CCL5: variants seen among roughly 807,000 people sequenced by gnomAD.
CCL5 encodes C-C motif chemokine ligand 5.
Under a neutral mutation model 9.0 loss-of-function variants are expected in CCL5, and 5 were observed. The ratio of observed to expected loss-of-function variants is 0.55; its 90% CI spans 0.29 to 1.16. The LOEUF (loss-of-function observed/expected upper bound fraction) is 1.16, where lower values mean the gene tolerates loss of function less well. CCL5 is among the 50% of genes most tolerant of loss of function. The pLI, the probability that CCL5 is intolerant of heterozygous loss-of-function variation, is 0.08. For synonymous variants in CCL5, 66 were observed against 72.0 expected, an observed-to-expected ratio of 0.92 and a Z score of 0.42; for missense variants, 183 against 183.2, an observed-to-expected ratio of 1.00 and a Z score of 0.01.
Position 35,871,788 on chromosome 17 carries a change from C to T in CCL5, c.*482G>A, listed in dbSNP as rs2088366833. ...ACGGAGTCTCACTTTGTCACCCAGG[C>T]TGGAGTGAAGTGGCACAATCTCAGC... is the stretch of plus-strand genomic sequence containing the variant. On this transcript the variant is annotated 3_prime_UTR_variant, in exon 4 of 4. Coordinates refer to ENST00000651122, the MANE Select transcript of CCL5 (RefSeq NM_001278736.2). 4 of 152,342 alleles carry T rather than the reference C, an allele frequency of 2.6e-5. No individual in the cohort carries two copies. The South Asian group carries it at 8.3e-4, about 32-fold the overall frequency. 9.4% of individuals were successfully genotyped at this position (152,342 alleles called of 1,614,324 possible). A position where few individuals can be genotyped will look rare whatever the true frequency, so the allele number is the denominator to read the frequency against.
At position 35,880,223 on chromosome 17, in the gene CCL5, G is replaced by A; in HGVS notation, c.76+7C>T. The A allele has an allele frequency of 6.2e-7, 1 of 1,613,124 alleles. No homozygotes were observed. The highest frequency in any genetic ancestry group is 1.1e-5 in the South Asian group (1 of 90,910). On this transcript the variant is annotated splice_region_variant and intron_variant, in intron 1 of 3. Coordinates refer to ENST00000651122, the MANE Select transcript of CCL5 (RefSeq NM_001278736.2). ...CAGGGGCTGTGGTGGTCAAGACCAG[G>A]ACTTACATGGGGAGGCAGATGCAGG...
At chr17:35,878,279 T>C (rs778258518) in intron 2 of CCL5, among the ~76,000 whole-genome samples, 131 of 86,712 alleles carry the variant, frequency 1.5e-3, no homozygotes, top group Non-Finnish European at 1.6e-3. Context: ...TGAGACTCTG[T>C]CTCAAAAAAA....
chr17:35,872,293 A>G lies in CCL5; in HGVS notation c.442T>C (p.Tyr148His), dbSNP rs1346625312. The G allele has an allele frequency of 6.9e-6, 11 of 1,594,346 alleles. No individual in the cohort carries two copies. The highest frequency in any genetic ancestry group is 9.4e-6 in the Non-Finnish European group (11 of 1,166,964). The change falls in exon 4 of 4, where the codon TAT (tyrosine) becomes CAT (histidine). Residue 148 changes from tyrosine to histidine, a missense_variant. Tyr to His is a moderately conservative substitution (Grantham distance 83, BLOSUM62 2). Transcript: ENST00000651122. ...CTTCAAGGAGCGGGTGGGGTAGGAT[A>G]GTGAGGGGAAGCCTCCCAAGCTAGG... is the stretch of plus-strand genomic sequence containing the variant.
chr17:35,876,447 C>T (rs749518334), intron 2 of CCL5, among the ~76,000 whole-genome samples: 1 of 152,210 alleles, frequency 6.6e-6, no homozygotes, highest in Non-Finnish European at 1.5e-5. Flanking sequence ...TGGTTCTACA[C>T]TTCTCCAGCC....
At position 35,874,911 on chromosome 17, in the gene CCL5, T is replaced by G. The variant is rs184781669; in HGVS notation, c.270+650A>C. 9.9e-5 allele frequency among the ~76,000 whole-genome samples: 15 copies of G among 152,230 alleles called. No homozygotes were observed. The East Asian group carries it at 2.9e-3, about 29-fold the overall frequency. On this transcript the variant is annotated intron_variant, in intron 3 of 3. Transcript: ENST00000651122. ...ACAGACGTGAGCCACCGCACCCAGA[T>G]AGAAGTTTATTTTTTAAATCTTATT...
intron 1 of CCL5, among the ~76,000 whole-genome samples, chr17:35,879,414 C>T (rs2088484168): frequency 6.6e-6 from 1 of 152,094 alleles, no homozygotes; most frequent in African/African-American, 2.4e-5. Flanking sequence ...GCGGGCGGAT[C>T]ACGAGGTCAA....
intron 3 of CCL5, among the ~76,000 whole-genome samples, chr17:35,874,382 A>G (rs538875302): frequency 2.6e-5 from 4 of 152,178 alleles, no homozygotes; most frequent in African/African-American, 9.6e-5. Context: ...TGCAGCCTCA[A>G]CCTCCTGGGC....
At position 35,872,231 on chromosome 17, in the gene CCL5, G is replaced by GT. The variant is rs776640911; in HGVS notation, c.*38dup. ...AGCCACCACGTCCAGCCTGGGGAAG[G>GT]TTTTTGTAACTGCTGCTGTGTGGTA... On this transcript the variant is annotated 3_prime_UTR_variant, in exon 4 of 4. Coordinates refer to ENST00000651122, the MANE Select transcript of CCL5 (RefSeq NM_001278736.2). The GT allele has an allele frequency of 1.4e-6, 2 of 1,429,470 alleles. No individual in the cohort carries two copies. Among genetic ancestry groups the GT allele is most frequent in the East Asian group, 5.0e-5 (2 of 40,124 alleles). 88.5% of individuals were successfully genotyped at this position (1,429,470 alleles called of 1,614,324 possible). A position where few individuals can be genotyped will look rare whatever the true frequency, so the allele number is the denominator to read the frequency against.
chr17:35,872,207 GCCA>G lies in CCL5; in HGVS notation c.*60_*62del. 1 of 1,254,034 alleles carries G rather than the reference GCCA, an allele frequency of 8.0e-7. No homozygotes were observed. Among genetic ancestry groups the G allele is most frequent in the Non-Finnish European group, 1.1e-6 (1 of 942,820 alleles). The allele number at this position is 1,254,034 out of a possible 1,614,324, so 77.7% of individuals were successfully genotyped here. A position where few individuals can be genotyped will look rare whatever the true frequency, so the allele number is the denominator to read the frequency against. On this transcript the variant is annotated 3_prime_UTR_variant, in exon 4 of 4. Coordinates refer to ENST00000651122, the MANE Select transcript of CCL5 (RefSeq NM_001278736.2). ...CAAAGTGCTGGGATTACAGGCGTGA[GCCA>G]CCACGTCCAGCCTGGGGAAGGTTTT...
intron 1 of CCL5, among the ~76,000 whole-genome samples, chr17:35,879,617 A>G (rs1269628621): frequency 1.4e-5 from 2 of 146,226 alleles, no homozygotes; most frequent in East Asian, 2.0e-4. Context: ...CCTGGGCGAC[A>G]GAGCGAAGAC....
chr17:35,879,773 T>A (rs2088491980), intron 1 of CCL5, among the ~76,000 whole-genome samples: 1 of 152,016 alleles, frequency 6.6e-6, no homozygotes, highest in Non-Finnish European at 1.5e-5. Context: ...TAAAGCCACA[T>A]ACCCTCTCAT....
At chr17:35,873,529 C>T (rs2144020186) in intron 3 of CCL5, among the ~76,000 whole-genome samples, 1 of 152,220 alleles carries the variant, frequency 6.6e-6, no homozygotes, top group East Asian at 1.9e-4. Flanking sequence ...TTAGACAACG[C>T]AGTGCCTGGC....
intron 3 of CCL5, among the ~76,000 whole-genome samples, chr17:35,874,596 C>G (rs1282452970): frequency 6.6e-6 from 1 of 152,150 alleles, no homozygotes; most frequent in Non-Finnish European, 1.5e-5. Context: ...GCCACCATGC[C>G]TGGCCAGAAG....
intron 2 of CCL5, among the ~76,000 whole-genome samples, chr17:35,877,827 C>T (rs1568351200): frequency 6.6e-6 from 1 of 152,078 alleles, no homozygotes; most frequent in Non-Finnish European, 1.5e-5. Context: ...GACCTCTGAC[C>T]TCTTCTCCCT....
chr17:35,874,540 A>G (rs1194034237), intron 3 of CCL5, among the ~76,000 whole-genome samples: 4 of 152,208 alleles, frequency 2.6e-5, no homozygotes, highest in Admixed American at 2.0e-4. Context: ...GGCTCAAGCC[A>G]TCCTCCTGCC....
Position 35,872,249 on chromosome 17 carries a change from G to A in CCL5, c.*21C>T, listed in dbSNP as rs1363595084. On this transcript the variant is annotated 3_prime_UTR_variant, in exon 4 of 4. Transcript: ENST00000651122. ...GGGGAAGGTTTTTGTAACTGCTGCT[G>A]TGTGGTAGAATCTGGGCCCTTCAAG... The A allele has an allele frequency of 1.4e-5, 21 of 1,497,548 alleles. No individual in the cohort carries two copies. The highest frequency in any genetic ancestry group is 1.8e-5 in the Non-Finnish European group (20 of 1,117,080). The allele number at this position is 1,497,548 out of a possible 1,614,324, so 92.8% of individuals were successfully genotyped here.
In CCL5 at chr17:35,878,578, G is replaced by A. The variant is rs35359791; in HGVS notation, c.138C>T (p.His46=). 1,231 of 1,614,072 alleles carry A rather than the reference G, an allele frequency of 7.6e-4. 7 individuals are homozygous for A. The African/African-American group carries it at 0.014, about 19-fold the overall frequency. ...CACTGGTGTAGAAATACTCCTTGAT[G>A]TGGGCACGGGGCAGTGGGCGGGCAA... The change falls in exon 2 of 4, where the codon CAC becomes CAT. Residue 46 remains histidine (H), a synonymous_variant. Transcript: ENST00000651122.
chr17:35,880,124 G>C, intron 1 of CCL5, 106 bp downstream of exon 1: 2 of 823,956 alleles, frequency 2.4e-6, no homozygotes, highest in South Asian at 2.8e-5. Context: ...CAGTATTCAT[G>C]CTACAGTTGA....
At chr17:35,872,735 G>T (rs1302824111) in intron 3 of CCL5, among the ~76,000 whole-genome samples, 1 of 152,162 alleles carries the variant, frequency 6.6e-6, no homozygotes, top group African/African-American at 2.4e-5. Context: ...AGAGGATACG[G>T]AGCCTTGAAG....
Sources: gnomAD v4.1 joint callset for allele counts (sites outside exome capture counted in the v4.1 genomes callset) on GRCh38, gnomAD v4.1.1 for gene constraint, MANE v1.5 for transcripts, NCBI Gene and HGNC (gene_info 2026-07-23, HGNC 2026-07-21) for gene names.